Variants in MMRN2 observed in about 807,000 individuals in gnomAD.
The protein encoded by MMRN2 is multimerin 2, also known as multimerin-2.
A neutral mutation model predicts 68.8 loss-of-function variants in MMRN2; 53 were observed. The observed-to-expected ratio is 0.77, with a 90% CI of 0.62 to 0.97. MMRN2 has a LOEUF of 0.97. MMRN2 is among the 50% of genes least tolerant of loss of function. MMRN2 has a pLI of 0.00. For missense variants in MMRN2, 1,266 were observed against 1,259.5 expected (o/e 1.01, Z -0.08); for synonymous variants, 564 against 551.6 (o/e 1.02, Z -0.32).
chr10:86,941,219 C>T (rs542251723), intron 6 of MMRN2, among the ~76,000 whole-genome samples: 21 of 152,198 alleles, frequency 1.4e-4, no homozygotes, highest in Admixed American at 2.6e-4. Flanking sequence ...TCAGGGCCCA[C>T]GGCTTTCCCT....
Position 86,936,799 on chromosome 10 carries a change from T to C in MMRN2, c.2794A>G (p.Thr932Ala), listed in dbSNP as rs755734083. ...VWFELTQGSI[T>A]KRSLSGTAFG... is the part of the protein sequence containing the mutation. The stretch of plus-strand genomic sequence containing the variant: ...GCAGTGCCCGACAGGCTTCTCTTTG[T>C]TATTGATCCCTGGGTTAACTCAAAC... The change falls in exon 7 of 7, where the codon ACA becomes GCA. Residue 932 changes from threonine to alanine, a missense_variant. Thr to Ala is a moderately conservative substitution (Grantham distance 58). Coordinates refer to ENST00000372027, the MANE Select transcript of MMRN2 (RefSeq NM_024756.3). 1 of 1,614,208 alleles carries C rather than the reference T, an allele frequency of 6.2e-7. No homozygotes were observed. Among genetic ancestry groups the C allele is most frequent in the South Asian group, 1.1e-5 (1 of 91,084 alleles).
intron 1 of MMRN2, among the ~76,000 whole-genome samples, chr10:86,952,315 A>C (rs1844156087): frequency 6.6e-6 from 1 of 152,202 alleles, no homozygotes; most frequent in Non-Finnish European, 1.5e-5. Flanking sequence ...CTGGCCCCAG[A>C]GCTCAGGAGC....
chr10:86,949,822 G>C (rs900940509), intron 1 of MMRN2: 9 of 151,352 alleles, frequency 5.9e-5, no homozygotes, highest in African/African-American at 2.2e-4. Context: ...GTTGCAGTGA[G>C]TGGAGACTGT....
intron 4 of MMRN2, among the ~76,000 whole-genome samples, chr10:86,944,909 C>T (rs557333034): frequency 8.7e-4 from 133 of 152,188 alleles, no homozygotes; most frequent in Non-Finnish European, 1.8e-3. Context: ...GGCACAAGGG[C>T]TTGTGTGGTT....
At chr10:86,939,809 GT>G (rs1564730587) in intron 6 of MMRN2, among the ~76,000 whole-genome samples, 4 of 26,436 alleles carry the variant, frequency 1.5e-4, no homozygotes, top group African/African-American at 3.6e-4. Context: ...AATTTGGGGT[GT>G]GTGTGTGTGT....
chr10:86,950,670 G>A (rs879298005), intron 1 of MMRN2, among the ~76,000 whole-genome samples: 1 of 152,158 alleles, frequency 6.6e-6, no homozygotes, highest in Non-Finnish European at 1.5e-5. Flanking sequence ...CAGCTGATCT[G>A]ACACCTGGCA....
chr10:86,956,440 C>T (rs1039447677), intron 1 of MMRN2, among the ~76,000 whole-genome samples: 1 of 152,232 alleles, frequency 6.6e-6, no homozygotes, highest in Non-Finnish European at 1.5e-5. Flanking sequence ...GTTGGCCCCC[C>T]CCTCACTCCC....
chr10:86,943,581 C>A lies in MMRN2; in HGVS notation c.1203G>T (p.Met401Ile). The change falls in exon 6 of 7, where the codon ATG (methionine) becomes ATT (isoleucine). Residue 401 changes from methionine (M) to isoleucine (I), a missense_variant. Met to Ile is a conservative substitution (Grantham distance 10, BLOSUM62 1). Coordinates refer to ENST00000372027, the MANE Select transcript of MMRN2 (RefSeq NM_024756.3). This position sits in a 1 kb window ranked among gnomAD's most constrained non-coding sequence, Gnocchi z 4.2. ...CCACGTGCCGGGTCAGGGTGGCCCT[C>A]ATGTCCTCCAGGGTGTACTGCAACT... The part of the protein sequence containing the change: ...EEELQYTLED[M>I]RATLTRHVDE... The A allele has an allele frequency of 6.2e-7, 1 of 1,614,160 alleles. No individual in the cohort carries two copies. The highest frequency in any genetic ancestry group is 8.5e-7 in the Non-Finnish European group (1 of 1,180,040).
In MMRN2 at chr10:86,957,418, T is replaced by A. The variant is rs765689483; in HGVS notation, c.124A>T (p.Lys42Ter). The change falls in exon 1 of 7, where the codon AAG (lysine) becomes TAG (stop). Residue 42 changes from lysine to a stop codon, truncating the protein, a stop_gained. Transcript: ENST00000372027. LOFTEE classifies it high-confidence loss of function. Reference protein sequence around the residue: ...LQSSRTPGVWKAEAEDTGKDP... With the variant: ...LQSSRTPGVW ...TTGCCGGTGTCCTCAGCCTCTGCCT[T>A]CCAGACCCCAGGTGTCCTGGAGCTC... 2 of 1,613,606 alleles carry A rather than the reference T, an allele frequency of 1.2e-6. No homozygotes were observed. Among genetic ancestry groups the A allele is most frequent in the Non-Finnish European group, 1.7e-6 (2 of 1,179,984 alleles).
At chr10:86,946,589 G>C (rs1245684890) in intron 1 of MMRN2, among the ~76,000 whole-genome samples, 1 of 152,200 alleles carries the variant, frequency 6.6e-6, no homozygotes, top group Non-Finnish European at 1.5e-5. Flanking sequence ...CCAGGAGCGG[G>C]GGGACACTCA....
At chr10:86,950,893 T>C (rs970191864) in intron 1 of MMRN2, among the ~76,000 whole-genome samples, 7 of 152,184 alleles carry the variant, frequency 4.6e-5, no homozygotes, top group Admixed American at 4.6e-4. Flanking sequence ...GCAGTACACA[T>C]GGCCCTATGG....
Position 86,939,677 on chromosome 10 carries a change from C to CCG in MMRN2, c.2468-2553_2468-2552insCG, listed in dbSNP as rs1554893249. 4.0e-5 allele frequency among the ~76,000 whole-genome samples: 6 copies of CCG among 151,552 alleles called. No individual in the cohort carries two copies. In the South Asian group the frequency reaches 6.2e-4, roughly 16 times the overall value. On this transcript the variant is annotated intron_variant, in intron 6 of 6. Coordinates refer to ENST00000372027, the MANE Select transcript of MMRN2 (RefSeq NM_024756.3). The stretch of plus-strand genomic sequence containing the variant: ...TTCCGCCGCAGAGAGAGACCCCCAC[C>CCG]CCAACCCAGCCTTGCGCCTGACAGG...
intron 6 of MMRN2, among the ~76,000 whole-genome samples, chr10:86,938,500 G>A (rs956690562): frequency 6.6e-6 from 1 of 152,204 alleles, no homozygotes; most frequent in African/African-American, 2.4e-5. Flanking sequence ...CAGTCCTGCT[G>A]CCTGGACAGC....
chr10:86,955,573 G>T (rs750028251), intron 1 of MMRN2, among the ~76,000 whole-genome samples: 1 of 152,196 alleles, frequency 6.6e-6, no homozygotes. Flanking sequence ...GCCTCCTTGT[G>T]ATGGTGTTGG....
At chr10:86,937,188 C>T in intron 6 of MMRN2, 63 bp from the exon 7 acceptor site, 2 of 1,562,134 alleles carry the variant, frequency 1.3e-6, no homozygotes, top group East Asian at 2.3e-5. Context: ...GGAAATTAAA[C>T]CCTGAGACCT....
chr10:86,938,577 G>A (rs1417560010), intron 6 of MMRN2, among the ~76,000 whole-genome samples: 1 of 152,212 alleles, frequency 6.6e-6, no homozygotes, highest in Non-Finnish European at 1.5e-5. Context: ...TTGGGTCCTG[G>A]CTGTGACACT....
Position 86,942,807 on chromosome 10 carries a change from G to C in MMRN2, c.1977C>G (p.Ala659=). ...QEQALGWDEL[A]ARVTALEQAS... ...CCTGCTCCAGGGCCGTCACTCGGGC[G>C]GCCAGCTCGTCCCAGCCGAGCGCCT... The change falls in exon 6 of 7, where the codon GCC becomes GCG. Residue 659 remains alanine, a synonymous_variant. Coordinates refer to ENST00000372027, the MANE Select transcript of MMRN2 (RefSeq NM_024756.3). 7.4e-7 allele frequency: 1 copy of C among 1,359,908 alleles called. No homozygotes were observed. Among genetic ancestry groups the C allele is most frequent in the Middle Eastern group, 2.1e-4 (1 of 4,752 alleles). The allele number at this position is 1,359,908 out of a possible 1,614,324, so 84.2% of individuals were successfully genotyped here.
intron 6 of MMRN2, among the ~76,000 whole-genome samples, chr10:86,941,358 G>A (rs1431792204): frequency 6.6e-6 from 1 of 152,034 alleles, no homozygotes; most frequent in Non-Finnish European, 1.5e-5. Flanking sequence ...TTGTAAATTA[G>A]GCACAGTAAG....
chr10:86,939,189 C>T (rs1843922108), intron 6 of MMRN2, among the ~76,000 whole-genome samples: 1 of 142,838 alleles, frequency 7.0e-6, no homozygotes, highest in African/African-American at 2.6e-5. Context: ...AAATGCCGGG[C>T]GCAATGGCTC....
Sources: allele counts gnomAD v4.1 joint callset (sites outside exome capture counted in the v4.1 genomes callset), GRCh38; gene constraint gnomAD v4.1.1; non-coding constraint Gnocchi (gnomAD v3.1); transcripts MANE v1.5; gene names NCBI Gene and HGNC (gene_info 2026-07-23, HGNC 2026-07-21).